DCAF13: variants seen among roughly 807,000 people sequenced by gnomAD.
DCAF13 encodes the protein DDB1 and CUL4 associated factor 13, also known as DDB1- and CUL4-associated factor 13.
DCAF13 carries 38 observed loss-of-function variants against 59.0 expected under a neutral mutation model. The observed-to-expected ratio is 0.64, with a 90% CI of 0.50 to 0.84. DCAF13 has a LOEUF of 0.84. DCAF13 is among the 40% of genes least tolerant of loss of function. DCAF13 has a pLI of 0.00. For synonymous variants in DCAF13, 173 were observed against 175.0 expected, an observed-to-expected ratio of 0.99 and a Z score of 0.09; for missense variants, 469 against 558.4, an observed-to-expected ratio of 0.84 and a Z score of 1.61.
intron 10 of DCAF13, 21 bp downstream of exon 10, chr8:103,441,639 C>T (rs747599439): frequency 1.2e-6 from 2 of 1,602,552 alleles, no homozygotes; most frequent in Admixed American, 1.8e-5. Context: ...AGGCATTTGA[C>T]TCTATTACCC....
intron 1 of DCAF13, among the ~76,000 whole-genome samples, chr8:103,418,636 G>C (rs1473369486): frequency 4.0e-5 from 6 of 151,260 alleles, no homozygotes; most frequent in Non-Finnish European, 8.8e-5. Context: ...TTTGGTAGTA[G>C]GGAATATGGA....
In DCAF13 at chr8:103,427,189, T is replaced by A. The variant is rs1480568442; in HGVS notation, c.561T>A (p.Asn187Lys). The A allele has an allele frequency of 1.9e-6, 3 of 1,613,494 alleles. No individual in the cohort carries two copies. Among genetic ancestry groups the A allele is most frequent in the Non-Finnish European group, 2.5e-6 (3 of 1,179,558 alleles). ...QVDIWDEQRT[N>K]PICSMTWGFD... is the part of the protein sequence containing the mutation. ...ACATTTGGGATGAACAAAGAACTAATCCTATATGTTCAATGACCTGGGGAT... is the reference window on the plus strand; with the variant it reads ...ACATTTGGGATGAACAAAGAACTAAACCTATATGTTCAATGACCTGGGGAT... The change falls in exon 5 of 11, where the codon AAT becomes AAA. Residue 187 changes from asparagine (N) to lysine (K), a missense_variant. By Grantham distance (94) the Asn-to-Lys change is moderately conservative. Coordinates refer to ENST00000612750, the MANE Select transcript of DCAF13 (RefSeq NM_015420.7).
chr8:103,418,860 ATATATATTTTTTTTTTTTTTTTTTTTTT>A lies in DCAF13; in HGVS notation c.71-1402_71-1375del, dbSNP rs1195206958. On this transcript the variant is annotated intron_variant, in intron 1 of 10. Coordinates refer to ENST00000612750, the MANE Select transcript of DCAF13 (RefSeq NM_015420.7). ...TATATATATATATATATATATATAT[ATATATATTTTTTTTTTTTTTTTTTTTTT>A]TTTTTTTTTTTTTGAGATGAAGTCA... Among the ~76,000 whole-genome samples, 3 of 34,616 alleles carry A rather than the reference ATATATATTTTTTTTTTTTTTTTTTTTTT, an allele frequency of 8.7e-5. No homozygotes were observed. In the East Asian group the frequency reaches 2.6e-3, roughly 30 times the overall value. The allele number at this position is 34,616 out of a possible 152,430, so 22.7% of individuals were successfully genotyped here.
intron 8 of DCAF13, 142 bp downstream of exon 8, chr8:103,435,932 G>A: frequency 1.3e-6 from 1 of 789,930 alleles, no homozygotes; most frequent in Non-Finnish European, 2.1e-6. Flanking sequence ...GGTATAACGT[G>A]TTGCACACCT....
intron 1 of DCAF13, among the ~76,000 whole-genome samples, chr8:103,419,969 A>G (rs1816699503): frequency 6.7e-6 from 1 of 150,230 alleles, no homozygotes; most frequent in Admixed American, 6.7e-5. Flanking sequence ...AGATTGCGCC[A>G]CTGCACTCCA....
intron 5 of DCAF13, chr8:103,427,909 A>C (rs1816815157): frequency 6.6e-6 from 1 of 152,222 alleles, no homozygotes; most frequent in Admixed American, 6.5e-5. Flanking sequence ...ACTTTTTCTT[A>C]ATGCATAACA....
chr8:103,434,319 A>G (rs1259438123), intron 7 of DCAF13, among the ~76,000 whole-genome samples: 1 of 152,098 alleles, frequency 6.6e-6, no homozygotes, highest in Non-Finnish European at 1.5e-5. Context: ...AATGAATCCT[A>G]TAATGTGGAA....
chr8:103,432,051 T>C (rs1017869258), intron 6 of DCAF13, among the ~76,000 whole-genome samples: 1 of 152,206 alleles, frequency 6.6e-6, no homozygotes, highest in Admixed American at 6.5e-5. Flanking sequence ...CTTTGCTCCA[T>C]CTACTAGTCT....
chr8:103,425,975 T>G, intron 3 of DCAF13, 81 bp from the exon 4 acceptor site: 1 of 915,670 alleles, frequency 1.1e-6, no homozygotes, highest in South Asian at 1.3e-5. Flanking sequence ...TTAAACAAGA[T>G]ACTTATTTGA....
chr8:103,422,474 A>G (rs551297230), intron 3 of DCAF13, among the ~76,000 whole-genome samples: 1 of 152,342 alleles, frequency 6.6e-6, no homozygotes, highest in South Asian at 2.1e-4. Context: ...AAACTCTAGG[A>G]GTAGCCAGAG....
At chr8:103,438,220 A>G (rs1441306412) in intron 8 of DCAF13, among the ~76,000 whole-genome samples, 3 of 152,210 alleles carry the variant, frequency 2.0e-5, no homozygotes, top group Non-Finnish European at 4.4e-5. Context: ...TGTGGAGATT[A>G]TAAGAAATGA....
Position 103,443,029 on chromosome 8 carries a change from A to T in DCAF13, c.*147A>T. The stretch of plus-strand genomic sequence containing the variant: ...TGTTACTCCTTTTAGCTACCCTGAA[A>T]AATGATCCTTAAAGGTGGCCTAGTT... On this transcript the variant is annotated 3_prime_UTR_variant, in exon 11 of 11. Coordinates refer to ENST00000612750, the MANE Select transcript of DCAF13 (RefSeq NM_015420.7). The T allele has an allele frequency of 1.9e-6, 1 of 523,922 alleles. No individual in the cohort carries two copies. The highest frequency in any genetic ancestry group is 3.3e-6 in the Non-Finnish European group (1 of 301,110). 32.5% of individuals were successfully genotyped at this position (523,922 alleles called of 1,614,324 possible).
rs542850604 is a variant in DCAF13 at position 103,435,784 on chromosome 8, G to A, written c.944G>A (p.Arg315Gln). 6 of 1,613,388 alleles carry A rather than the reference G, an allele frequency of 3.7e-6. No homozygotes were observed. Among genetic ancestry groups the A allele is most frequent in the South Asian group, 3.3e-5 (3 of 91,062 alleles). ...SIRIFPVDKS[R>Q]SREVYHTKRM... The stretch of plus-strand genomic sequence containing the variant: ...CGAATCTTTCCTGTAGACAAAAGTC[G>A]AAGCAGGTATGTGCCTACCAGTAAG... The change falls in exon 8 of 11, where the codon CGA (arginine) becomes CAA (glutamine). Residue 315 changes from arginine (R) to glutamine (Q), a missense_variant. Arg to Gln is a conservative substitution (Grantham distance 43). This residue lies in a region of DCAF13 where 355 missense variants were observed against 399.1 expected (regional missense o/e 0.89). Coordinates refer to ENST00000612750, the MANE Select transcript of DCAF13 (RefSeq NM_015420.7).
intron 2 of DCAF13, 139 bp from the exon 3 acceptor site, chr8:103,420,836 A>T: frequency 1.6e-6 from 1 of 626,042 alleles, no homozygotes; most frequent in Non-Finnish European, 2.8e-6. Flanking sequence ...ACTTATCCAT[A>T]TGCATTGCAT....
intron 10 of DCAF13, 150 bp downstream of exon 10, chr8:103,441,768 C>T: frequency 1.3e-6 from 1 of 746,920 alleles, no homozygotes; most frequent in Non-Finnish European, 2.1e-6. Context: ...CTACAGAAGG[C>T]CTTTTCTTTT....
Position 103,440,136 on chromosome 8 carries a change from G to A in DCAF13, c.951G>A (p.Arg317=). ...RIFPVDKSRS[R]EVYHTKRMQH... ...TTTTAACTTAATTCGTTTTCTATAG[G>A]GAGGTATATCATACAAAGAGAATGC... is the stretch of plus-strand genomic sequence containing the variant. The change falls in exon 9 of 11, where the codon AGG becomes AGA. Residue 317 remains arginine, a splice_region_variant and synonymous_variant. Transcript: ENST00000612750. The A allele has an allele frequency of 6.4e-7, 1 of 1,561,556 alleles. No homozygotes were observed. Among genetic ancestry groups the A allele is most frequent in the Non-Finnish European group, 8.6e-7 (1 of 1,161,068 alleles).
At chr8:103,437,829 CA>C (rs943807528) in intron 8 of DCAF13, among the ~76,000 whole-genome samples, 3 of 151,970 alleles carry the variant, frequency 2.0e-5, no homozygotes, top group Non-Finnish European at 4.4e-5. Context: ...ACAGTTAAGT[CA>C]GTATTTGAAA....
At chr8:103,418,835 TATATATATATATATATATATATATA>T (rs1816665676) in intron 1 of DCAF13, among the ~76,000 whole-genome samples, 1 of 12,014 alleles carries the variant, frequency 8.3e-5, no homozygotes, top group Non-Finnish European at 1.6e-4. Flanking sequence ...TATATATATA[TATATATATATATATATATATATATA>T]TATATATTTT....
chr8:103,423,217 G>C (rs1816745229), intron 3 of DCAF13, among the ~76,000 whole-genome samples: 1 of 151,896 alleles, frequency 6.6e-6, no homozygotes, highest in Non-Finnish European at 1.5e-5. Flanking sequence ...AGAGGACTTA[G>C]TGTATTTTTT....
Sources: gnomAD v4.1 joint callset for allele counts (sites outside exome capture counted in the v4.1 genomes callset) on GRCh38, gnomAD v4.1.1 for gene constraint, gnomAD v4.1.1 regional missense constraint, MANE v1.5 for transcripts, NCBI Gene and HGNC (gene_info 2026-07-23, HGNC 2026-07-21) for gene names.